The following KCNQ1 variants were observed in gnomAD, a reference collection of about 807,000 sequenced individuals.
KCNQ1 encodes the protein potassium voltage-gated channel subfamily KQT member 1.
KCNQ1 carries 49 observed loss-of-function variants against 72.4 expected under a neutral mutation model. That is an observed-to-expected ratio of 0.68 (90% CI 0.54 to 0.86). The LOEUF is 0.86. Ranked by LOEUF, KCNQ1 falls within the 40% of genes least tolerant of loss-of-function variation. The pLI, the probability that KCNQ1 is intolerant of heterozygous loss-of-function variation, is 0.00. For missense variants in KCNQ1, 790 were observed against 945.1 expected, an observed-to-expected ratio of 0.84 and a Z score of 2.15; for synonymous variants, 450 against 412.6, an observed-to-expected ratio of 1.09 and a Z score of -1.10.
chr11:2,774,141 G>A (rs888815577), intron 12 of KCNQ1, among the ~76,000 whole-genome samples: 1 of 152,242 alleles, frequency 6.6e-6, no homozygotes, highest in African/African-American at 2.4e-5. Context: ...GAGAGAGACA[G>A]GGCTCAGCAT....
At position 2,677,438 on chromosome 11, in the gene KCNQ1, T is replaced by C. The variant is rs1287140960; in HGVS notation, c.1514+15357T>C. ...CAGAGGACAGCAGGGGAGATGATAA[T>C]TGATGCAGGTGGCCTCTTGGTCAAG... On this transcript the variant is annotated intron_variant, in intron 11 of 15. Transcript: ENST00000155840. The surrounding 1 kb of genome is among the most constrained non-coding windows in gnomAD (Gnocchi z 4.5). The C allele has an allele frequency of 7.5e-6, 3 of 398,444 alleles. No individual in the cohort carries two copies. The highest frequency in any genetic ancestry group is 2.1e-5 in the African/African-American group (1 of 48,622). 24.7% of individuals were successfully genotyped at this position (398,444 alleles called of 1,614,324 possible). A position where few individuals can be genotyped will look rare whatever the true frequency, so the allele number is the denominator to read the frequency against.
At position 2,450,590 on chromosome 11, in the gene KCNQ1, T is replaced by C. The variant is rs1219253197; in HGVS notation, c.386+5106T>C. Among the ~76,000 whole-genome samples the C allele has an allele frequency of 6.6e-6, 1 of 151,982 alleles. No individual in the cohort carries two copies. The highest frequency in any genetic ancestry group is 1.9e-4 in the East Asian group (1 of 5,156). Reference sequence around the variant, plus strand: ...AGCCCCGGATGCTCCTACACCATGCTCTGCTTGCATCTGGGGTCCCTGCGG... The same window carrying C: ...AGCCCCGGATGCTCCTACACCATGCCCTGCTTGCATCTGGGGTCCCTGCGG... On this transcript the variant is annotated intron_variant, in intron 1 of 15. Transcript: ENST00000155840. The surrounding 1 kb of genome is among the most constrained non-coding windows in gnomAD (Gnocchi z 7.9).
Position 2,826,424 on chromosome 11 carries a change from G to A in KCNQ1, c.1795-21343G>A, listed in dbSNP as rs1191311516. On this transcript the variant is annotated intron_variant, in intron 15 of 15. Transcript: ENST00000155840. The surrounding 1 kb of genome is among the most constrained non-coding windows in gnomAD (Gnocchi z 4.2). ...CAGGCCCAGCAGCCGCCTCTTGGCA[G>A]CGCTGATGGAAACCGCCGTGCGGTT... is the stretch of plus-strand genomic sequence containing the variant. 6.6e-6 allele frequency among the ~76,000 whole-genome samples: 1 copy of A among 152,250 alleles called. No homozygotes were observed. Among genetic ancestry groups the A allele is most frequent in the Non-Finnish European group, 1.5e-5 (1 of 68,044 alleles).
At chr11:2,448,577 C>A (rs1846077780) in intron 1 of KCNQ1, among the ~76,000 whole-genome samples, 1 of 152,234 alleles carries the variant, frequency 6.6e-6, no homozygotes, top group African/African-American at 2.4e-5. Flanking sequence ...AGTTGTTCTG[C>A]AGCTGGGCAG....
At chr11:2,456,933 G>A (rs1169040016) in intron 1 of KCNQ1, among the ~76,000 whole-genome samples, 4 of 122,092 alleles carry the variant, frequency 3.3e-5, no homozygotes, top group South Asian at 2.7e-4. Flanking sequence ...AGCAAGACTC[G>A]GTCTCAAAAA....
intron 15 of KCNQ1, among the ~76,000 whole-genome samples, chr11:2,812,988 C>T (rs781777483): frequency 5.3e-5 from 8 of 152,246 alleles, no homozygotes; most frequent in Non-Finnish European, 8.8e-5. Context: ...GCCTCCAATC[C>T]CTCATTACTG....
At chr11:2,583,145 C>T (rs1305565535) in intron 6 of KCNQ1, among the ~76,000 whole-genome samples, 5 of 152,098 alleles carry the variant, frequency 3.3e-5, no homozygotes, top group African/African-American at 9.7e-5. Flanking sequence ...CGGTGTGGGG[C>T]GAGCTCCCAG....
chr11:2,788,534 C>G (rs550135596), intron 15 of KCNQ1, among the ~76,000 whole-genome samples: 4 of 151,972 alleles, frequency 2.6e-5, no homozygotes, highest in Non-Finnish European at 5.9e-5. Flanking sequence ...GCAGCTCCCC[C>G]TCCCCTCTGC....
At position 2,691,749 on chromosome 11, in the gene KCNQ1, C is replaced by T; in HGVS notation, c.1514+29668C>T. On this transcript the variant is annotated intron_variant, in intron 11 of 15. Transcript: ENST00000155840. This position sits in a 1 kb window ranked among gnomAD's most constrained non-coding sequence, Gnocchi z 6.4. Reference sequence around the variant, plus strand: ...GGGAGCCACACAGGCAGGGGACATTCCACTAGGGCCATTTGCAGGCCAGTG... The same window carrying T: ...GGGAGCCACACAGGCAGGGGACATTTCACTAGGGCCATTTGCAGGCCAGTG... 1 of 398,670 alleles carries T rather than the reference C, an allele frequency of 2.5e-6. No homozygotes were observed. 24.7% of individuals were successfully genotyped at this position (398,670 alleles called of 1,614,324 possible).
At chr11:2,650,439 A>G (rs1324086274) in intron 10 of KCNQ1, 1 of 398,438 alleles carries the variant, frequency 2.5e-6, no homozygotes. Flanking sequence ...CGTCTGTAGT[A>G]TCATTTGGGT....
At chr11:2,740,091 T>G (rs1037362794) in intron 11 of KCNQ1, among the ~76,000 whole-genome samples, 3 of 152,188 alleles carry the variant, frequency 2.0e-5, no homozygotes, top group African/African-American at 7.2e-5. Context: ...AGGCAAGCCC[T>G]GCATGGCGCC....
rs1419385655 is a variant in KCNQ1 at position 2,600,121 on chromosome 11, T to C, written c.1393+11267T>C. On this transcript the variant is annotated intron_variant, in intron 10 of 15. Transcript: ENST00000155840. This position sits in a 1 kb window ranked among gnomAD's most constrained non-coding sequence, Gnocchi z 5.6. The stretch of plus-strand genomic sequence containing the variant: ...GCAGAGTTTCTCCACTGTACCTCTA[T>C]TGAAATCTAGTGCCGGATAATTCTT... Among the ~76,000 whole-genome samples, 1 of 152,318 alleles carries C rather than the reference T, an allele frequency of 6.6e-6. No individual in the cohort carries two copies. The highest frequency in any genetic ancestry group is 2.4e-5 in the African/African-American group (1 of 41,572).
At chr11:2,804,628 A>AT (rs1316288342) in intron 15 of KCNQ1, among the ~76,000 whole-genome samples, 1 of 150,354 alleles carries the variant, frequency 6.7e-6, no homozygotes, top group Non-Finnish European at 1.5e-5. Context: ...AAAATAGCTG[A>AT]TATTTCTAAA....
Position 2,620,926 on chromosome 11 carries a change from T to G in KCNQ1, c.1393+32072T>G, listed in dbSNP as rs982294779. 1.3e-4 allele frequency: 51 copies of G among 380,014 alleles called. No individual in the cohort carries two copies. The South Asian group carries it at 1.4e-3, about 10-fold the overall frequency. The allele number at this position is 380,014 out of a possible 1,614,324, so 23.5% of individuals were successfully genotyped here. A position where few individuals can be genotyped will look rare whatever the true frequency, so the allele number is the denominator to read the frequency against. On this transcript the variant is annotated intron_variant, in intron 10 of 15. Transcript: ENST00000155840. This position sits in a 1 kb window ranked among gnomAD's most constrained non-coding sequence, Gnocchi z 4.5. Reference sequence around the variant, plus strand: ...GCATCCCATTATGGTTTGGTGTTTTTTTGTTGTTGTTGTTTTGTTTTGTTT... The same window carrying G: ...GCATCCCATTATGGTTTGGTGTTTTGTTGTTGTTGTTGTTTTGTTTTGTTT...
Position 2,566,070 on chromosome 11 carries a change from A to G in KCNQ1, c.478-4558A>G, listed in dbSNP as rs981882393. ...TGTGAGGCCCAGGCCTGTCTTCCCCACCTCACCCCACAGGGCTGAGACACC... is the reference window on the plus strand; with the variant it reads ...TGTGAGGCCCAGGCCTGTCTTCCCCGCCTCACCCCACAGGGCTGAGACACC... On this transcript the variant is annotated intron_variant, in intron 2 of 15. Transcript: ENST00000155840. The surrounding 1 kb of genome is among the most constrained non-coding windows in gnomAD (Gnocchi z 6.7). Among the ~76,000 whole-genome samples the G allele has an allele frequency of 3.3e-5, 5 of 150,582 alleles. No homozygotes were observed. The highest frequency in any genetic ancestry group is 7.4e-5 in the Non-Finnish European group (5 of 67,672).
chr11:2,775,794 G>C (rs1846683314), intron 12 of KCNQ1, among the ~76,000 whole-genome samples, 166 bp from the exon 13 acceptor site: 1 of 152,220 alleles, frequency 6.6e-6, no homozygotes, highest in African/African-American at 2.4e-5. Context: ...ATGGGGACAA[G>C]CTTCGCTACT....
At position 2,445,171 on chromosome 11, in the gene KCNQ1, CG is replaced by C. The variant is rs1434018612; in HGVS notation, c.77del (p.Gly26AlafsTer60). ...TTGGGGCCGCCTGCCAGGCGCCCGGCGGGGCAGCGCGGGCCTGGCCAAGAAG... is the reference window on the plus strand; with the variant it reads ...TTGGGGCCGCCTGCCAGGCGCCCGGCGGGCAGCGCGGGCCTGGCCAAGAAG... ...WGWGRLPGAR[R>X]GSAGLAKKCP... On this transcript the variant is annotated frameshift_variant, in exon 1 of 16. Transcript: ENST00000155840. LOFTEE classifies it high-confidence loss of function. 2.6e-6 allele frequency: 3 copies of C among 1,132,382 alleles called. No homozygotes were observed. The highest frequency in any genetic ancestry group is 2.2e-6 in the Non-Finnish European group (2 of 921,448). The allele number at this position is 1,132,382 out of a possible 1,614,324, so 70.1% of individuals were successfully genotyped here.
At chr11:2,534,888 G>A (rs897086987) in intron 2 of KCNQ1, among the ~76,000 whole-genome samples, 1 of 152,240 alleles carries the variant, frequency 6.6e-6, no homozygotes, top group Non-Finnish European at 1.5e-5. Flanking sequence ...GCTCATGAAA[G>A]GCAGAGCTGG....
rs960501587 is a variant in KCNQ1, at chr11:2,784,240, C to T, written c.1794+6203C>T. 2.0e-5 allele frequency among the ~76,000 whole-genome samples: 3 copies of T among 151,864 alleles called. No homozygotes were observed. The highest frequency in any genetic ancestry group is 2.0e-4 in the Admixed American group (3 of 15,272). On this transcript the variant is annotated intron_variant, in intron 15 of 15. Transcript: ENST00000155840. The surrounding 1 kb of genome is among the most constrained non-coding windows in gnomAD (Gnocchi z 4.7). ...ATTCTTACTTATGGATATCCAATTG[C>T]CCCAGAACATTTGTTGAAAATACCC...
Sources: gnomAD v4.1 joint callset for allele counts (sites outside exome capture counted in the v4.1 genomes callset) on GRCh38, gnomAD v4.1.1 for gene constraint, Gnocchi (gnomAD v3.1) non-coding constraint, MANE v1.5 for transcripts, NCBI Gene and HGNC (gene_info 2026-07-23, HGNC 2026-07-21) for gene names.